LRP1B: variants seen among roughly 807,000 people sequenced by gnomAD.
LRP1B encodes low-density lipoprotein receptor-related protein 1B.
LRP1B carries 217 observed loss-of-function variants against 556.6 expected under a neutral mutation model. That is an observed-to-expected ratio of 0.39 (90% CI 0.35 to 0.44). The LOEUF (loss-of-function observed/expected upper bound fraction) is 0.44. LRP1B is among the 20% of genes least tolerant of loss of function. LRP1B has a pLI of 1.00. For synonymous variants in LRP1B, 2,047 were observed against 1,865.8 expected, an observed-to-expected ratio of 1.10 and a Z score of -2.50; for missense variants, 5,053 against 5,620.8, an observed-to-expected ratio of 0.90 and a Z score of 3.23.
intron 7 of LRP1B, among the ~76,000 whole-genome samples, chr2:141,127,865 C>A (rs754007390): frequency 3.9e-5 from 6 of 152,172 alleles, no homozygotes; most frequent in Non-Finnish European, 1.5e-5. Context: ...GGTTTACTCT[C>A]TCTAGCTCTC....
intron 23 of LRP1B, 57 bp downstream of exon 23, chr2:140,902,863 T>A: frequency 6.4e-7 from 1 of 1,563,156 alleles, no homozygotes; most frequent in South Asian, 1.2e-5. Flanking sequence ...GTTTTGGGAT[T>A]TGTTTCTTTC....
At chr2:141,325,307 C>G (rs763955508) in intron 3 of LRP1B, among the ~76,000 whole-genome samples, 1 of 152,050 alleles carries the variant, frequency 6.6e-6, no homozygotes, top group Admixed American at 6.6e-5. Context: ...TTCTTGCACT[C>G]TATGATAATC....
chr2:140,252,062 CAA>C, intron 86 of LRP1B, among the ~76,000 whole-genome samples: 5 of 18,558 alleles, frequency 2.7e-4, no homozygotes, highest in East Asian at 0.011. Flanking sequence ...TGACAAGATG[CAA>C]AAAAAAAAAA....
intron 8 of LRP1B, among the ~76,000 whole-genome samples, 154 bp downstream of exon 8, chr2:141,061,897 T>C (rs1398713496): frequency 6.6e-6 from 1 of 151,864 alleles, no homozygotes; most frequent in Non-Finnish European, 1.5e-5. Flanking sequence ...ACAATATCAC[T>C]GTGAAAAGAA....
rs1466707439 is a variant in LRP1B, at chr2:141,583,889, A to T, written c.206-103356T>A. Among the ~76,000 whole-genome samples, 3 of 146,838 alleles carry T rather than the reference A, an allele frequency of 2.0e-5. No individual in the cohort carries two copies. The East Asian group carries it at 5.9e-4, about 29-fold the overall frequency. On this transcript the variant is annotated intron_variant, in intron 2 of 90. Transcript: ENST00000389484. ...CAGGTAGCTGGGACTACAGCCATGC[A>T]CCACCATGCCCGGCTAATTTTTTTT...
chr2:140,424,565 T>C (rs1685578616), intron 66 of LRP1B, among the ~76,000 whole-genome samples: 1 of 152,196 alleles, frequency 6.6e-6, no homozygotes, highest in Admixed American at 6.5e-5. Flanking sequence ...CTCCAAAAAC[T>C]TACAGTGCCA....
chr2:140,353,067 T>C lies in LRP1B; in HGVS notation c.11536A>G (p.Asn3846Asp), dbSNP rs1682046616. ...NMKNRQCEDL[N>D]ECLVFGTCSH... The stretch of plus-strand genomic sequence containing the variant: ...CATGTGCCAAACACCAAACATTCAT[T>C]AAGGTCTAGAAAAGAAGAGCTCAAA... The change falls in exon 76 of 91, where the codon AAT (asparagine) becomes GAT (aspartate). Residue 3846 changes from asparagine (N) to aspartate (D), a missense_variant. Around this residue, in one of 5 missense-constraint regions of LRP1B, gnomAD observed 599 missense variants for 648.4 expected, o/e 0.92. Coordinates refer to ENST00000389484, the MANE Select transcript of LRP1B (RefSeq NM_018557.3). 6.2e-7 allele frequency: 1 copy of C among 1,612,714 alleles called. No homozygotes were observed. Among genetic ancestry groups the C allele is most frequent in the Non-Finnish European group, 8.5e-7 (1 of 1,179,340 alleles).
intron 3 of LRP1B, among the ~76,000 whole-genome samples, chr2:141,472,431 T>A (rs1424369401): frequency 1.3e-5 from 2 of 151,968 alleles, no homozygotes; most frequent in African/African-American, 2.4e-5. Context: ...TTCCAACTAT[T>A]TGGGAGGCTG....
chr2:141,942,968 C>A (rs556412930), intron 1 of LRP1B, among the ~76,000 whole-genome samples: 1 of 152,204 alleles, frequency 6.6e-6, no homozygotes, highest in South Asian at 2.1e-4. Context: ...ATACATTATT[C>A]GTATTTGAAT....
intron 20 of LRP1B, among the ~76,000 whole-genome samples, chr2:140,930,644 C>CT (rs1256703392): frequency 6.6e-6 from 1 of 152,020 alleles, no homozygotes; most frequent in Non-Finnish European, 1.5e-5. Context: ...AGGGAGAAGT[C>CT]TTTTTCTTTT....
At chr2:141,214,645 T>C (rs560758459) in intron 6 of LRP1B, among the ~76,000 whole-genome samples, 2 of 152,294 alleles carry the variant, frequency 1.3e-5, no homozygotes, top group South Asian at 2.1e-4. Context: ...TATAACTGCA[T>C]TGGTGTGGGT....
At position 140,521,410 on chromosome 2, in the gene LRP1B, G is replaced by A. The variant is rs183036715; in HGVS notation, c.8027-4399C>T. Among the ~76,000 whole-genome samples, 21 of 152,090 alleles carry A rather than the reference G, an allele frequency of 1.4e-4. No individual in the cohort carries two copies. The East Asian group carries it at 4.1e-3, about 29-fold the overall frequency. ...GGGACCTATTTTTAGCATTCTTAAG[G>A]AAAATAAATGCCAGTTAAGAATTTT... On this transcript the variant is annotated intron_variant, in intron 49 of 90. Transcript: ENST00000389484.
intron 1 of LRP1B, among the ~76,000 whole-genome samples, chr2:142,009,709 C>T (rs1036376249): frequency 3.9e-5 from 6 of 152,024 alleles, no homozygotes; most frequent in African/African-American, 1.4e-4. Flanking sequence ...GCATATATGT[C>T]TAAGTTCATA....
intron 2 of LRP1B, among the ~76,000 whole-genome samples, chr2:141,638,155 A>G (rs1171119442): frequency 6.6e-6 from 1 of 151,970 alleles, no homozygotes; most frequent in Non-Finnish European, 1.5e-5. Context: ...CCACTGCACT[A>G]CAGCCTGGGC....
chr2:140,605,877 A>T (rs1682850284), intron 41 of LRP1B, among the ~76,000 whole-genome samples: 1 of 151,958 alleles, frequency 6.6e-6, no homozygotes, highest in Non-Finnish European at 1.5e-5. Flanking sequence ...GAATACCAAA[A>T]CCCGAGGCTC....
chr2:141,288,830 C>G (rs1430080548), intron 3 of LRP1B, among the ~76,000 whole-genome samples: 2 of 152,136 alleles, frequency 1.3e-5, no homozygotes, highest in Non-Finnish European at 2.9e-5. Context: ...TGAAACTTCC[C>G]TTCATATTTC....
chr2:140,367,068 A>G (rs1019099770), intron 71 of LRP1B, among the ~76,000 whole-genome samples: 5 of 151,652 alleles, frequency 3.3e-5, no homozygotes, highest in African/African-American at 1.2e-4. Flanking sequence ...AGGAAGGAGG[A>G]AAGCCTGAGG....
chr2:140,541,007 C>T lies in LRP1B; in HGVS notation c.7479G>A (p.Gly2493=), dbSNP rs757458189. Reference sequence around the variant, plus strand: ...TGTTGTCCTCTAGCAATATTCGGTCCCCTCTGCAGGAACAATTCACTCTCC... The same window carrying T: ...TGTTGTCCTCTAGCAATATTCGGTCTCCTCTGCAGGAACAATTCACTCTCC... ...PNGRVNCSCR[G]DRILLEDNRC... The change falls in exon 45 of 91, where the codon GGG becomes GGA. Residue 2493 remains glycine (G), a synonymous_variant. Transcript: ENST00000389484. 6.2e-7 allele frequency: 1 copy of T among 1,611,140 alleles called. No individual in the cohort carries two copies. The highest frequency in any genetic ancestry group is 1.1e-5 in the South Asian group (1 of 90,884).
chr2:141,493,251 G>A (rs1489554510), intron 2 of LRP1B, among the ~76,000 whole-genome samples: 1 of 152,096 alleles, frequency 6.6e-6, no homozygotes, highest in African/African-American at 2.4e-5. Context: ...ACATTGTGCT[G>A]CAATCTCAGA....
Sources: gnomAD v4.1 joint callset for allele counts (sites outside exome capture counted in the v4.1 genomes callset) on GRCh38, gnomAD v4.1.1 for gene constraint, gnomAD v4.1.1 regional missense constraint, MANE v1.5 for transcripts, NCBI Gene and HGNC (gene_info 2026-07-23, HGNC 2026-07-21) for gene names.